PLA2G4A: variants seen among roughly 807,000 people sequenced by gnomAD.
PLA2G4A encodes the protein phospholipase A2 group IVA.
PLA2G4A carries 40 observed loss-of-function variants against 81.9 expected under a neutral mutation model. That is an observed-to-expected ratio of 0.49 (90% CI 0.38 to 0.64). The LOEUF is 0.64. Among genes scored for constraint, PLA2G4A ranks in the 30% least tolerant of loss-of-function variants. The pLI is 0.00. For synonymous variants in PLA2G4A, 302 were observed against 296.9 expected, an observed-to-expected ratio of 1.02 and a Z score of -0.18; for missense variants, 715 against 905.1, an observed-to-expected ratio of 0.79 and a Z score of 2.69.
chr1:186,939,789 T>G (rs1656084692), intron 9 of PLA2G4A, among the ~76,000 whole-genome samples, 191 bp from the exon 10 acceptor site: 1 of 152,214 alleles, frequency 6.6e-6, no homozygotes, highest in Admixed American at 6.6e-5. Context: ...GATTATTTTT[T>G]AAATGAAGAT....
At chr1:186,947,984 TA>T (rs1488506970) in intron 12 of PLA2G4A, among the ~76,000 whole-genome samples, 1 of 152,184 alleles carries the variant, frequency 6.6e-6, no homozygotes, top group East Asian at 1.9e-4. Flanking sequence ...TTGATTTAAT[TA>T]AGTTTACATG....
intron 17 of PLA2G4A, among the ~76,000 whole-genome samples, chr1:186,980,974 G>A (rs966673238): frequency 4.6e-5 from 7 of 151,944 alleles, no homozygotes; most frequent in African/African-American, 1.5e-4. Flanking sequence ...TGAAATCCAC[G>A]TGATACATTA....
chr1:186,837,593 C>T (rs1337513436), intron 1 of PLA2G4A, among the ~76,000 whole-genome samples: 5 of 150,396 alleles, frequency 3.3e-5, no homozygotes, highest in Admixed American at 6.6e-5. Flanking sequence ...AAAAATTAGC[C>T]GGGCGTGGTG....
intron 3 of PLA2G4A, among the ~76,000 whole-genome samples, chr1:186,874,756 G>C (rs768839904): frequency 1.3e-5 from 2 of 151,802 alleles, no homozygotes; most frequent in Non-Finnish European, 2.9e-5. Flanking sequence ...CATATGCTTG[G>C]GAAAATTTTG....
At chr1:186,864,574 T>C (rs1652944009) in intron 2 of PLA2G4A, among the ~76,000 whole-genome samples, 1 of 151,988 alleles carries the variant, frequency 6.6e-6, no homozygotes, top group Non-Finnish European at 1.5e-5. Flanking sequence ...TTTTTTCATA[T>C]ACTTGTTGGC....
rs192763035 is a variant in PLA2G4A, at chr1:186,965,343, T to A, written c.1580-66T>A. On this transcript the variant is annotated intron_variant, in intron 14 of 17. Transcript: ENST00000367466. ...ATTCTTTCAAATTTGAAACCAACAT[T>A]TTTAGATGATAAATACTGATGAATG... is the stretch of plus-strand genomic sequence containing the variant. 91 of 1,232,410 alleles carry A rather than the reference T, an allele frequency of 7.4e-5. No individual in the cohort carries two copies. In the East Asian group the frequency reaches 2.1e-3, roughly 29 times the overall value. 76.3% of individuals were successfully genotyped at this position (1,232,410 alleles called of 1,614,324 possible).
At chr1:186,950,600 A>AATTG (rs1656521301) in intron 12 of PLA2G4A, 57 bp from the exon 13 acceptor site, 1 of 929,140 alleles carries the variant, frequency 1.1e-6, no homozygotes, top group Non-Finnish European at 1.8e-6. Context: ...TTATATTAAA[A>AATTG]TTAATTGTTA....
chr1:186,940,905 A>G (rs572323545), intron 10 of PLA2G4A, among the ~76,000 whole-genome samples: 1 of 152,266 alleles, frequency 6.6e-6, no homozygotes, highest in South Asian at 2.1e-4. Flanking sequence ...GTAGTGGTTG[A>G]TGAACCAATG....
chr1:186,966,052 G>A (rs1360738995), intron 15 of PLA2G4A, among the ~76,000 whole-genome samples: 3 of 150,220 alleles, frequency 2.0e-5, no homozygotes, highest in African/African-American at 7.4e-5. Flanking sequence ...AACTGGACAA[G>A]GCCAGTTTCA....
intron 7 of PLA2G4A, among the ~76,000 whole-genome samples, chr1:186,919,758 G>A (rs112083480): frequency 0.02 from 2,980 of 152,322 alleles, 59 homozygotes; most frequent in South Asian, 0.035. Flanking sequence ...GCTGTCCTCA[G>A]CCAGCAGCAG....
chr1:186,835,318 G>A (rs1384859244), intron 1 of PLA2G4A, among the ~76,000 whole-genome samples: 3 of 152,134 alleles, frequency 2.0e-5, no homozygotes, highest in African/African-American at 2.4e-5. Flanking sequence ...GGATAGTCTC[G>A]AGGCAGATAA....
intron 17 of PLA2G4A, among the ~76,000 whole-genome samples, chr1:186,980,566 T>A (rs1357029913): frequency 6.6e-6 from 1 of 152,190 alleles, no homozygotes; most frequent in Non-Finnish European, 1.5e-5. Context: ...GATTTACCAG[T>A]CTTTTTGGTG....
chr1:186,953,690 G>C (rs1656645217), intron 13 of PLA2G4A, among the ~76,000 whole-genome samples: 1 of 152,126 alleles, frequency 6.6e-6, no homozygotes, highest in Admixed American at 6.5e-5. Context: ...AAGTTGTAAA[G>C]GGCGATGCAA....
chr1:186,872,690 T>C (rs1400099852), intron 3 of PLA2G4A, among the ~76,000 whole-genome samples: 2 of 152,078 alleles, frequency 1.3e-5, no homozygotes. Flanking sequence ...GCAATGGTTA[T>C]TTATTATAAT....
intron 4 of PLA2G4A, among the ~76,000 whole-genome samples, chr1:186,893,872 C>T (rs532046712): frequency 9.6e-5 from 14 of 146,108 alleles, no homozygotes; most frequent in Admixed American, 8.4e-4. Flanking sequence ...TGCAGTGAGC[C>T]GAGATCCCGC....
intron 1 of PLA2G4A, among the ~76,000 whole-genome samples, chr1:186,830,951 TTG>T (rs1558338937): frequency 1.7e-3 from 69 of 39,756 alleles, no homozygotes; most frequent in East Asian, 6.7e-3. Flanking sequence ...GCTTGCTTGC[TTG>T]CTTGCTTTCT....
intron 1 of PLA2G4A, among the ~76,000 whole-genome samples, chr1:186,839,806 C>G (rs988803462): frequency 1.3e-5 from 2 of 151,998 alleles, no homozygotes; most frequent in Non-Finnish European, 2.9e-5. Flanking sequence ...GTAATTTCCT[C>G]TCTCCTCAAA....
chr1:186,921,213 A>G (rs1655338346), intron 7 of PLA2G4A, among the ~76,000 whole-genome samples: 1 of 151,592 alleles, frequency 6.6e-6, no homozygotes, highest in Non-Finnish European at 1.5e-5. Flanking sequence ...GAATTCTTAC[A>G]TATTCTTGGG....
Position 186,955,873 on chromosome 1 carries a change from A to C in PLA2G4A, c.1337-229A>C, listed in dbSNP as rs898675583. 7.1e-4 allele frequency among the ~76,000 whole-genome samples: 106 copies of C among 149,938 alleles called. 2 individuals carry two copies. The highest frequency in any genetic ancestry group is 2.6e-3 in the African/African-American group (104 of 40,758). ...CTCAGCCTCCCGAGTAGCTGGGACT[A>C]GAGGTGCACGCCACCATGACCAGCT... is the stretch of plus-strand genomic sequence containing the variant. On this transcript the variant is annotated intron_variant, in intron 13 of 17. Coordinates refer to ENST00000367466, the MANE Select transcript of PLA2G4A (RefSeq NM_024420.3).
Sources: gnomAD v4.1 joint callset for allele counts (sites outside exome capture counted in the v4.1 genomes callset) on GRCh38, gnomAD v4.1.1 for gene constraint, MANE v1.5 for transcripts, NCBI Gene and HGNC (gene_info 2026-07-23, HGNC 2026-07-21) for gene names.